TBC1D5: variants seen among roughly 807,000 people sequenced by gnomAD.
TBC1D5 encodes TBC1 domain family, member 5.
Under a neutral mutation model 100.3 loss-of-function variants are expected in TBC1D5, and 75 were observed. That is an observed-to-expected ratio of 0.75 (90% CI 0.62 to 0.91). The LOEUF (loss-of-function observed/expected upper bound fraction) is 0.91, where lower values mean the gene tolerates loss of function less well. Among genes scored for constraint, TBC1D5 ranks in the 40% least tolerant of loss-of-function variants. The probability of loss-of-function intolerance (pLI) is 0.00; values close to 1 mark genes in which losing one functional copy is unlikely to be tolerated. For missense variants in TBC1D5, 910 were observed against 942.4 expected, an observed-to-expected ratio of 0.97 and a Z score of 0.45; for synonymous variants, 323 against 325.6, an observed-to-expected ratio of 0.99 and a Z score of 0.09.
chr3:17,552,081 C>A (rs1484289940), intron 2 of TBC1D5, among the ~76,000 whole-genome samples: 1 of 151,894 alleles, frequency 6.6e-6, no homozygotes, highest in East Asian at 1.9e-4. Flanking sequence ...TAAATTTATT[C>A]CCTTAGGCTG....
intron 2 of TBC1D5, among the ~76,000 whole-genome samples, chr3:17,616,817 A>T (rs2153636666): frequency 6.6e-6 from 1 of 152,276 alleles, no homozygotes; most frequent in Middle Eastern, 3.4e-3. Context: ...AATACAGCAC[A>T]GTGATGGGTC....
intron 3 of TBC1D5, among the ~76,000 whole-genome samples, chr3:17,463,943 C>CTTTTTTTTTT (rs1025162858): frequency 4.0e-4 from 35 of 87,530 alleles, no homozygotes; most frequent in African/African-American, 1.4e-3. Flanking sequence ...TTCCTTATTC[C>CTTTTTTTTTT]TTTTTTTTTT....
chr3:17,706,093 C>G, intron 1 of TBC1D5: 1 of 1,605,460 alleles, frequency 6.2e-7, no homozygotes, highest in Non-Finnish European at 8.5e-7. Flanking sequence ...GCGGCGGCCT[C>G]CAGCTTGCCC....
chr3:17,580,496 C>T (rs1367644112), intron 2 of TBC1D5, among the ~76,000 whole-genome samples: 1 of 152,018 alleles, frequency 6.6e-6, no homozygotes, highest in East Asian at 1.9e-4. Context: ...ATATGCTCCG[C>T]CTTCCTTCTT....
chr3:17,358,348 G>A (rs1469561609), intron 13 of TBC1D5, among the ~76,000 whole-genome samples: 3 of 151,896 alleles, frequency 2.0e-5, no homozygotes, highest in African/African-American at 7.3e-5. Flanking sequence ...CCAGGCCTGG[G>A]TAATTTTTTG....
chr3:17,269,157 G>C (rs899650814), intron 15 of TBC1D5, among the ~76,000 whole-genome samples: 1 of 152,096 alleles, frequency 6.6e-6, no homozygotes, highest in African/African-American at 2.4e-5. Flanking sequence ...CCCTGGATAG[G>C]AGTAACATTT....
Position 17,404,975 on chromosome 3 carries a change from C to T in TBC1D5, c.277-14G>A. 1 of 1,526,726 alleles carries T rather than the reference C, an allele frequency of 6.5e-7. No individual in the cohort carries two copies. Among genetic ancestry groups the T allele is most frequent in the Non-Finnish European group, 8.9e-7 (1 of 1,127,092 alleles). 94.6% of individuals were successfully genotyped at this position (1,526,726 alleles called of 1,614,324 possible). A position where few individuals can be genotyped will look rare whatever the true frequency, so the allele number is the denominator to read the frequency against. The stretch of plus-strand genomic sequence containing the variant: ...ACAAAGAAATAGCTGTCAAGAAAAA[C>T]AGAAGAAACTTTTGTAAAAATCTTA... On this transcript the variant is annotated splice_polypyrimidine_tract_variant and intron_variant, in intron 5 of 21. Transcript: ENST00000253692.
At chr3:17,382,084 T>G (rs2092968332) in intron 9 of TBC1D5, among the ~76,000 whole-genome samples, 1 of 152,032 alleles carries the variant, frequency 6.6e-6, no homozygotes, top group Non-Finnish European at 1.5e-5. Flanking sequence ...TTCCCACAAA[T>G]TCTATGGTAA....
intron 2 of TBC1D5, among the ~76,000 whole-genome samples, chr3:17,547,484 A>G (rs911375758): frequency 1.3e-5 from 2 of 152,222 alleles, no homozygotes; most frequent in African/African-American, 4.8e-5. Flanking sequence ...CTTAAGAAAC[A>G]TTTAAAATTT....
intron 15 of TBC1D5, among the ~76,000 whole-genome samples, chr3:17,263,037 G>A (rs1033693910): frequency 1.6e-4 from 24 of 151,728 alleles, no homozygotes; most frequent in African/African-American, 5.3e-4. Context: ...GACCAGACTG[G>A]GCAAAATAGC....
Position 17,480,952 on chromosome 3 carries a change from T to C in TBC1D5, c.97+27522A>G, listed in dbSNP as rs115778055. ...CTAAAAGAGCTATAACACAAATGGCTTGAAACATGCTCCCCCACTGCTCAC... is the reference window on the plus strand; with the variant it reads ...CTAAAAGAGCTATAACACAAATGGCCTGAAACATGCTCCCCCACTGCTCAC... On this transcript the variant is annotated intron_variant, in intron 3 of 21. Coordinates refer to ENST00000253692, the Ensembl canonical transcript of TBC1D5. 3.5e-3 allele frequency among the ~76,000 whole-genome samples: 531 copies of C among 152,290 alleles called. 3 individuals carry two copies. The highest frequency in any genetic ancestry group is 0.012 in the African/African-American group (516 of 41,562).
chr3:17,381,839 C>T (rs761588622), intron 9 of TBC1D5, among the ~76,000 whole-genome samples: 2 of 151,986 alleles, frequency 1.3e-5, no homozygotes, highest in East Asian at 3.9e-4. Flanking sequence ...TATTTTTACA[C>T]CATCTGGAAT....
At chr3:17,339,138 G>A (rs192343864) in intron 13 of TBC1D5, among the ~76,000 whole-genome samples, 28 of 152,320 alleles carry the variant, frequency 1.8e-4, no homozygotes, top group Non-Finnish European at 3.4e-4. Flanking sequence ...TCTGCAAAAC[G>A]TGTGGTAAAG....
At chr3:17,409,517 G>A (rs1372398043) in intron 4 of TBC1D5, among the ~76,000 whole-genome samples, 1 of 152,034 alleles carries the variant, frequency 6.6e-6, no homozygotes, top group Non-Finnish European at 1.5e-5. Flanking sequence ...AGTGAGGAAG[G>A]TACATCTAAA....
chr3:17,493,619 G>C (rs552865259), intron 3 of TBC1D5, among the ~76,000 whole-genome samples: 1 of 152,002 alleles, frequency 6.6e-6, no homozygotes, highest in East Asian at 1.9e-4. Context: ...GGTTTTGTTC[G>C]TTCCTTACCA....
chr3:17,255,578 A>C (rs1055251458), intron 16 of TBC1D5, among the ~76,000 whole-genome samples: 1 of 152,060 alleles, frequency 6.6e-6, no homozygotes, highest in South Asian at 2.1e-4. Context: ...CATCCACTAC[A>C]AATATTTTCC....
At chr3:17,368,642 T>G (rs1377261479) in intron 13 of TBC1D5, among the ~76,000 whole-genome samples, 1 of 151,926 alleles carries the variant, frequency 6.6e-6, no homozygotes, top group Non-Finnish European at 1.5e-5. Flanking sequence ...CATTCATTAT[T>G]GACATTTTTA....
At chr3:17,254,139 G>C (rs1285624948) in intron 16 of TBC1D5, among the ~76,000 whole-genome samples, 2 of 152,260 alleles carry the variant, frequency 1.3e-5, no homozygotes, top group Admixed American at 1.3e-4. Context: ...TCCAGATTTG[G>C]GGTATTATGA....
At chr3:17,317,579 A>G (rs1487287889) in intron 13 of TBC1D5, among the ~76,000 whole-genome samples, 1 of 152,254 alleles carries the variant, frequency 6.6e-6, no homozygotes, top group African/African-American at 2.4e-5. Flanking sequence ...TTTAATGCCC[A>G]TACAACTTTA....
Sources: allele counts gnomAD v4.1 joint callset (sites outside exome capture counted in the v4.1 genomes callset), GRCh38; gene constraint gnomAD v4.1.1; transcripts MANE v1.5; gene names NCBI Gene and HGNC (gene_info 2026-07-23, HGNC 2026-07-21).